The following KYAT3 variants were observed in gnomAD, a reference collection of about 807,000 sequenced individuals.
KYAT3 encodes kynurenine--oxoglutarate transaminase 3.
Under a neutral mutation model 59.0 loss-of-function variants are expected in KYAT3, and 50 were observed. The ratio of observed to expected loss-of-function variants is 0.85; its 90% CI spans 0.68 to 1.07. The LOEUF (loss-of-function observed/expected upper bound fraction) is 1.07, where lower values mean the gene tolerates loss of function less well. Ranked by LOEUF, KYAT3 falls within the 50% of genes least tolerant of loss-of-function variation. The pLI is 0.00. For synonymous variants in KYAT3, 148 were observed against 177.0 expected (o/e 0.84, Z 1.30); for missense variants, 497 against 533.3 (o/e 0.93, Z 0.67).
At chr1:88,928,726 G>A in the KYAT3 span, among the ~76,000 whole-genome samples, 2 of 152,004 alleles carry the variant, frequency 1.3e-5, no homozygotes, top group African/African-American at 4.8e-5. Flanking sequence ...GACCATTGAG[G>A]GCCAGGAGGT....
Position 88,968,815 on chromosome 1 carries a change from C to A in KYAT3, c.159-1G>T. On this transcript the variant is annotated splice_acceptor_variant, in intron 3 of 13. Transcript: ENST00000260508. LOFTEE classifies it high-confidence loss of function. ...TGCAGCCAATTTGGTAAATTCAATC[C>A]TAAGATTGAAAAAAATACTAATATT... 6.4e-7 allele frequency: 1 copy of A among 1,571,326 alleles called. No individual in the cohort carries two copies. The highest frequency in any genetic ancestry group is 8.6e-7 in the Non-Finnish European group (1 of 1,166,424).
At chr1:88,934,989 ATT>A (rs59691903), downstream of KYAT3, among the ~76,000 whole-genome samples, 157 of 110,078 alleles carry the variant, frequency 1.4e-3, no homozygotes, top group African/African-American at 4.6e-3. Context: ...TAAAGAAGTG[ATT>A]TTTTTTTTTT....
At chr1:88,980,673 C>G (rs1677038724) in intron 2 of KYAT3, 1 of 152,374 alleles carries the variant, frequency 6.6e-6, no homozygotes, top group Admixed American at 6.5e-5. Context: ...TTAACATACT[C>G]CTTGCTTTGA....
downstream of KYAT3, among the ~76,000 whole-genome samples, chr1:88,934,034 G>C (rs1674964857): frequency 6.6e-6 from 1 of 152,216 alleles, no homozygotes. Context: ...GGAAGTGCTG[G>C]TTTGGTAGCT....
downstream of KYAT3, among the ~76,000 whole-genome samples, chr1:88,931,156 A>G (rs934537806): frequency 1.3e-5 from 2 of 152,152 alleles, no homozygotes; most frequent in African/African-American, 2.4e-5. Flanking sequence ...CATTGATAGC[A>G]CCCATCAGAT....
chr1:88,938,086 G>T (rs947414618), intron 13 of KYAT3, among the ~76,000 whole-genome samples: 1 of 152,158 alleles, frequency 6.6e-6, no homozygotes, highest in Admixed American at 6.5e-5. Context: ...TTTGGGAGGA[G>T]AATGTCTTGT....
rs201653594 is a variant in KYAT3, at chr1:88,968,678, G to A, written c.295C>T (p.Arg99Ter). 4.6e-5 allele frequency: 73 copies of A among 1,579,400 alleles called. No homozygotes were observed. In the Admixed American group the frequency reaches 4.7e-4, roughly 10 times the overall value. ...AAIDSLNQYT[R>*]GFGHPSLVKA... is the part of the protein sequence containing the mutation. ...GGTCTTGATATACTTACAAAGCCTCGTGTATACTGATTCAGGCTATCGATT... is the reference window on the plus strand; with the variant it reads ...GGTCTTGATATACTTACAAAGCCTCATGTATACTGATTCAGGCTATCGATT... The change falls in exon 4 of 14, where the codon CGA becomes TGA. Residue 99 changes from arginine to a stop codon, truncating the protein, a stop_gained. Coordinates refer to ENST00000260508, the MANE Select transcript of KYAT3 (RefSeq NM_001008661.3). LOFTEE classifies it high-confidence loss of function.
intron 11 of KYAT3, among the ~76,000 whole-genome samples, chr1:88,947,047 A>T (rs145502032): frequency 7.9e-5 from 12 of 152,228 alleles, no homozygotes; most frequent in Non-Finnish European, 1.3e-4. Context: ...ACAGTTCCTC[A>T]ATGTAGTTGA....
At chr1:88,971,992 G>A (rs543100519) in intron 2 of KYAT3, among the ~76,000 whole-genome samples, 128 of 152,264 alleles carry the variant, frequency 8.4e-4, no homozygotes, top group Non-Finnish European at 1.4e-3. Flanking sequence ...CATATTTCTG[G>A]TCACAAAATC....
chr1:88,984,170 G>T, intron 2 of KYAT3: 1 of 209,760 alleles, frequency 4.8e-6, no homozygotes, highest in African/African-American at 2.4e-5. Flanking sequence ...AAGCTCAAAA[G>T]TGTGTATAAT....
rs550636185 is a variant in KYAT3 at position 88,942,715 on chromosome 1, A to C, written c.1302+290T>G. 7.2e-5 allele frequency among the ~76,000 whole-genome samples: 11 copies of C among 152,080 alleles called. No individual in the cohort carries two copies. The South Asian group carries it at 1.9e-3, about 26-fold the overall frequency. On this transcript the variant is annotated intron_variant, in intron 13 of 13. Transcript: ENST00000260508. The stretch of plus-strand genomic sequence containing the variant: ...GTAGCTGGGACTACAAGTGCCCGCC[A>C]CCATGCCCAGTTAATTTTTTGTATT...
At chr1:88,977,998 C>G (rs1416459954) in intron 2 of KYAT3, among the ~76,000 whole-genome samples, 1 of 152,086 alleles carries the variant, frequency 6.6e-6, no homozygotes, top group Non-Finnish European at 1.5e-5. Context: ...TGTAAGTGCA[C>G]TCTATGATCA....
In KYAT3 at chr1:88,968,569, G is replaced by T. The variant is rs1676429372; in HGVS notation, c.303+101C>A. 5.5e-5 allele frequency: 53 copies of T among 962,106 alleles called. 1 individual carries two copies. The South Asian group carries it at 1.3e-3, about 23-fold the overall frequency. 59.6% of individuals were successfully genotyped at this position (962,106 alleles called of 1,614,324 possible). On this transcript the variant is annotated intron_variant, in intron 4 of 13. Transcript: ENST00000260508. ...AGGATGGGACAGCTGGTCCCAGAAA[G>T]TCACTTATATATGAATGACAGAAGG...
At chr1:88,963,546 C>T (rs1011635075) in intron 5 of KYAT3, among the ~76,000 whole-genome samples, 2 of 152,154 alleles carry the variant, frequency 1.3e-5, no homozygotes, top group South Asian at 2.1e-4. Context: ...GATAAATATT[C>T]GTTCTGCAGT....
chr1:88,986,042 G>C (rs1269836174), intron 2 of KYAT3, among the ~76,000 whole-genome samples: 2 of 152,058 alleles, frequency 1.3e-5, no homozygotes, highest in African/African-American at 4.8e-5. Flanking sequence ...TTGGCCGGGA[G>C]TGGTGGCGGG....
Position 88,943,331 on chromosome 1 carries a change from A to G in KYAT3, c.1215+19T>C, listed in dbSNP as rs1675311309. 1 of 1,396,188 alleles carries G rather than the reference A, an allele frequency of 7.2e-7. No homozygotes were observed. Among genetic ancestry groups the G allele is most frequent in the Non-Finnish European group, 1.0e-6 (1 of 996,654 alleles). 86.5% of individuals were successfully genotyped at this position (1,396,188 alleles called of 1,614,324 possible). Reference sequence around the variant, plus strand: ...ACTATAAAATATAACAGAATCTTGCAAAGAACAATAAACATTACCTTATGT... The same window carrying G: ...ACTATAAAATATAACAGAATCTTGCGAAGAACAATAAACATTACCTTATGT... On this transcript the variant is annotated intron_variant, in intron 12 of 13. Coordinates refer to ENST00000260508, the MANE Select transcript of KYAT3 (RefSeq NM_001008661.3).
rs370463050 is a variant in KYAT3, at chr1:88,961,125, C to T, written c.787+42G>A. 13 of 1,606,130 alleles carry T rather than the reference C, an allele frequency of 8.1e-6. No homozygotes were observed. The African/African-American group carries it at 1.6e-4, about 20-fold the overall frequency. On this transcript the variant is annotated intron_variant, in intron 8 of 13. Transcript: ENST00000260508. Reference sequence around the variant, plus strand: ...TTCCAATCAGTTCTTCCATATGTGCCCAAACACATTTAGATATGTGACTCT... The same window carrying T: ...TTCCAATCAGTTCTTCCATATGTGCTCAAACACATTTAGATATGTGACTCT...
intron 11 of KYAT3, among the ~76,000 whole-genome samples, chr1:88,944,425 C>T (rs369640484): frequency 3.0e-4 from 45 of 152,074 alleles, no homozygotes; most frequent in African/African-American, 1.0e-3. Context: ...TCCATTCTCC[C>T]CTGTGTTTTA....
intron 8 of KYAT3, among the ~76,000 whole-genome samples, chr1:88,958,613 TG>T (rs1384350475): frequency 5.9e-5 from 9 of 152,210 alleles, no homozygotes; most frequent in Admixed American, 4.6e-4. Flanking sequence ...TATCTGATAG[TG>T]GATGCTCCAA....
Sources: allele counts gnomAD v4.1 joint callset (sites outside exome capture counted in the v4.1 genomes callset), GRCh38; gene constraint gnomAD v4.1.1; transcripts MANE v1.5; gene names NCBI Gene and HGNC (gene_info 2026-07-23, HGNC 2026-07-21).